The following A2M variants were observed in gnomAD, a reference collection of about 807,000 sequenced individuals.
A2M encodes the protein C3 and PZP-like alpha-2-macroglobulin domain-containing protein 5.
A neutral mutation model predicts 183.9 loss-of-function variants in A2M; 128 were observed. That is an observed-to-expected ratio of 0.70 (90% CI 0.60 to 0.81). A2M has a LOEUF of 0.81. Among genes scored for constraint, A2M ranks in the 30% least tolerant of loss-of-function variants. A2M has a pLI of 0.00. For missense variants in A2M, 1,495 were observed against 1,787.6 expected (o/e 0.84, Z 2.95); for synonymous variants, 592 against 670.8 (o/e 0.88, Z 1.81).
In A2M at chr12:9,101,480, C is replaced by G. The variant is rs746473160; in HGVS notation, c.1461G>C (p.Leu487=). The change falls in exon 12 of 36, where the codon CTG becomes CTC. Residue 487 remains leucine, a synonymous_variant. Transcript: ENST00000318602. ...AGAAGGAGAGCTTCTTCAGCCCCAG[C>G]AGGGTGCCTCCATTCAGAATATAAT... ...QAHYILNGGT[L]LGLKKLSFYY... is the part of the protein sequence containing the mutation. The G allele has an allele frequency of 6.2e-7, 1 of 1,613,902 alleles. No individual in the cohort carries two copies. The highest frequency in any genetic ancestry group is 1.1e-5 in the South Asian group (1 of 91,046).
At chr12:9,095,417 C>A in intron 16 of A2M, 122 bp downstream of exon 16, 1 of 950,838 alleles carries the variant, frequency 1.1e-6, no homozygotes, top group Non-Finnish European at 1.5e-6. Context: ...AGAGAAGCCA[C>A]TTACCTCTTT....
chr12:9,107,958 C>T (rs1206116004), intron 7 of A2M, among the ~76,000 whole-genome samples: 4 of 151,534 alleles, frequency 2.6e-5, no homozygotes, highest in East Asian at 1.9e-4. Flanking sequence ...ACCAGCAAGA[C>T]GAAACAAACA....
chr12:9,113,614 C>T, intron 1 of A2M, 71 bp from the exon 2 acceptor site: 2 of 1,423,086 alleles, frequency 1.4e-6, no homozygotes, highest in Non-Finnish European at 2.0e-6. Flanking sequence ...CACTTTTTTC[C>T]ATCATCATAA....
At position 9,107,589 on chromosome 12, in the gene A2M, A is replaced by T; in HGVS notation, c.814T>A (p.Tyr272Asn). 1 of 1,614,016 alleles carries T rather than the reference A, an allele frequency of 6.2e-7. No homozygotes were observed. The highest frequency in any genetic ancestry group is 1.7e-5 in the Admixed American group (1 of 60,022). The change falls in exon 8 of 36, where the codon TAT (tyrosine) becomes AAT (asparagine). Residue 272 changes from tyrosine (Y) to asparagine (N), a missense_variant. By Grantham distance (143) the Tyr-to-Asn change is moderately radical (BLOSUM62 -2). Transcript: ENST00000318602. Reference sequence around the variant, plus strand: ...CCGTGGCAGTCGGAAGCGTCACTATACTTTCTGCAAATGCTCACAGTCACA... The same window carrying T: ...CCGTGGCAGTCGGAAGCGTCACTATTCTTTCTGCAAATGCTCACAGTCACA... ...GHVTVSICRK[Y>N]SDASDCHGED...
At chr12:9,072,622 T>C (rs1948611350) in intron 30 of A2M, 31 bp downstream of exon 30, 1 of 1,609,676 alleles carries the variant, frequency 6.2e-7, no homozygotes, top group Admixed American at 1.7e-5. Context: ...TGTCCTCATC[T>C]GTCCTGTCCT....
At chr12:9,090,589 A>T in intron 19 of A2M, 107 bp from the exon 20 acceptor site, 1 of 1,151,640 alleles carries the variant, frequency 8.7e-7, no homozygotes, top group Non-Finnish European at 1.2e-6. Context: ...GTTGCCTCAC[A>T]TTAAAGATGA....
At chr12:9,080,598 C>A (rs1400034369) in intron 22 of A2M, among the ~76,000 whole-genome samples, 3 of 152,066 alleles carry the variant, frequency 2.0e-5, no homozygotes, top group Non-Finnish European at 4.4e-5. Context: ...GTAAAATTAC[C>A]CACAAAAGGT....
intron 25 of A2M, 53 bp downstream of exon 25, chr12:9,079,191 A>G (rs1286182067): frequency 1.3e-5 from 18 of 1,382,628 alleles, no homozygotes; most frequent in Non-Finnish European, 1.7e-5. Flanking sequence ...GAGGTAATAC[A>G]TGTAAAAGAG....
At position 9,101,437 on chromosome 12, in the gene A2M, C is replaced by T. The variant is rs1485670928; in HGVS notation, c.1494+10G>A. 1.2e-6 allele frequency: 2 copies of T among 1,604,462 alleles called. No individual in the cohort carries two copies. The highest frequency in any genetic ancestry group is 2.2e-5 in the South Asian group (2 of 90,412). On this transcript the variant is annotated intron_variant, in intron 12 of 35. Transcript: ENST00000318602. Reference sequence around the variant, plus strand: ...TACAGTGAAGTCAACGCAGTAACCTCCCTTCTCACCAGATAATAGAAGGAG... The same window carrying T: ...TACAGTGAAGTCAACGCAGTAACCTTCCTTCTCACCAGATAATAGAAGGAG...
At chr12:9,100,159 C>T (rs925097941) in intron 13 of A2M, among the ~76,000 whole-genome samples, 6 of 152,196 alleles carry the variant, frequency 3.9e-5, no homozygotes, top group Middle Eastern at 3.4e-3. Flanking sequence ...CCGCTTCAGT[C>T]GGTAGAAGTA....
At chr12:9,098,556 C>G (rs1224407940) in intron 15 of A2M, 51 bp downstream of exon 15, 7 of 1,550,470 alleles carry the variant, frequency 4.5e-6, no homozygotes, top group Admixed American at 2.0e-5. Flanking sequence ...TTTCCTTGCT[C>G]TGAGCCCCTG....
intron 8 of A2M, among the ~76,000 whole-genome samples, chr12:9,107,302 A>G (rs1191124015): frequency 6.6e-6 from 1 of 152,144 alleles, no homozygotes; most frequent in East Asian, 1.9e-4. Flanking sequence ...GAGGCTTTAG[A>G]TGGCTCAGTG....
intron 22 of A2M, among the ~76,000 whole-genome samples, chr12:9,087,674 A>G (rs754770265): frequency 6.6e-6 from 1 of 152,262 alleles, no homozygotes; most frequent in Non-Finnish European, 1.5e-5. Context: ...CACAAAACAT[A>G]AGTATTTCAG....
chr12:9,079,564 A>G (rs1440003610), intron 24 of A2M, 75 bp downstream of exon 24: 2 of 1,393,810 alleles, frequency 1.4e-6, no homozygotes, highest in African/African-American at 2.8e-5. Context: ...CATAATATTC[A>G]TAAGTAACTG....
Position 9,095,604 on chromosome 12 carries a change from T to C in A2M, c.1948A>G (p.Ile650Val). 1 of 1,611,992 alleles carries C rather than the reference T, an allele frequency of 6.2e-7. No homozygotes were observed. The highest frequency in any genetic ancestry group is 8.5e-7 in the Non-Finnish European group (1 of 1,178,120). Residue 650 changes from isoleucine (I) to valine (V), a missense_variant, in exon 16 of 36, where the codon ATT becomes GTT. Transcript: ENST00000318602. ...ACTGGAGTATATGTGATTCCATTAATATAGACATTATGACGATTGATGCAG... is the reference window on the plus strand; with the variant it reads ...ACTGGAGTATATGTGATTCCATTAACATAGACATTATGACGATTGATGCAG... The part of the protein sequence containing the change: ...EDCINRHNVY[I>V]NGITYTPVSS...
chr12:9,087,327 T>A (rs1301375987), intron 22 of A2M, among the ~76,000 whole-genome samples: 2 of 152,174 alleles, frequency 1.3e-5, no homozygotes, highest in East Asian at 1.9e-4. Context: ...CCATTCCATT[T>A]TAAAAAACAA....
chr12:9,068,090 A>T, intron 35 of A2M, 93 bp downstream of exon 35: 2 of 1,409,432 alleles, frequency 1.4e-6, no homozygotes, highest in Non-Finnish European at 2.0e-6. Flanking sequence ...GATGTTTTTG[A>T]CAAATATTTA....
chr12:9,077,893 G>T, intron 25 of A2M, 36 bp from the exon 26 acceptor site: 2 of 1,613,570 alleles, frequency 1.2e-6, no homozygotes, highest in Non-Finnish European at 1.7e-6. Flanking sequence ...TGTTTATGTT[G>T]TCAAAATGGT....
intron 22 of A2M, among the ~76,000 whole-genome samples, chr12:9,081,605 A>G (rs192351991): frequency 5.3e-5 from 8 of 152,358 alleles, no homozygotes; most frequent in Admixed American, 4.6e-4. Flanking sequence ...ACAAATTAGA[A>G]GAGTAGGAAG....
Sources: allele counts gnomAD v4.1 joint callset (sites outside exome capture counted in the v4.1 genomes callset), GRCh38; gene constraint gnomAD v4.1.1; transcripts MANE v1.5; gene names NCBI Gene and HGNC (gene_info 2026-07-23, HGNC 2026-07-21).